WWOX: variants seen among roughly 807,000 people sequenced by gnomAD.
WWOX encodes the protein WW domain-containing oxidoreductase.
A neutral mutation model predicts 46.2 loss-of-function variants in WWOX; 69 were observed. The observed-to-expected ratio is 1.49, with a 90% CI of 1.23 to 1.82. The LOEUF is 1.82. Ranked by LOEUF, WWOX falls within the 40% of genes most tolerant of loss-of-function variation. WWOX has a pLI of 0.00. For synonymous variants in WWOX, 359 were observed against 202.6 expected (o/e 1.77, Z -6.56); for missense variants, 919 against 542.6 (o/e 1.69, Z -6.89).
At chr16:78,652,864 G>A (rs957304925) in intron 8 of WWOX, among the ~76,000 whole-genome samples, 4 of 152,028 alleles carry the variant, frequency 2.6e-5, no homozygotes, top group Non-Finnish European at 5.9e-5. Flanking sequence ...GGCATAAAAC[G>A]TGATTTGACT....
rs116416544 is a variant in WWOX, at chr16:78,529,116, G to T, written c.1056+96364G>T. On this transcript the variant is annotated intron_variant, in intron 8 of 8. Transcript: ENST00000566780. ...CTACAGGTGCACACTACCATGCCCA[G>T]CTAAGTTTGTTCATTTTTTGTAGAT... Among the ~76,000 whole-genome samples, 175 of 151,486 alleles carry T rather than the reference G, an allele frequency of 1.2e-3. 1 individual carries two copies. The highest frequency in any genetic ancestry group is 4.1e-3 in the African/African-American group (168 of 41,288).
chr16:78,563,259 A>T (rs542636234), intron 8 of WWOX, among the ~76,000 whole-genome samples: 1 of 152,062 alleles, frequency 6.6e-6, no homozygotes, highest in Non-Finnish European at 1.5e-5. Context: ...CTTTCAGTCT[A>T]TTTTCCTGTG....
chr16:78,115,141 T>C lies in WWOX; in HGVS notation c.396T>C (p.Ala132=). The C allele has an allele frequency of 6.2e-7, 1 of 1,614,248 alleles. No homozygotes were observed. Among genetic ancestry groups the C allele is most frequent in the Non-Finnish European group, 8.5e-7 (1 of 1,180,036 alleles). Residue 132 remains alanine (A), a synonymous_variant, in exon 4 of 9, where the codon GCT becomes GCC. Coordinates refer to ENST00000566780, the MANE Select transcript of WWOX (RefSeq NM_016373.4). ...FTGKVVVVTG[A]NSGIGFETAK... ...GCAAAGTGGTTGTGGTCACTGGAGC[T>C]AATTCAGGAATAGGTAGGCTCTTCA...
At chr16:78,886,933 A>G (rs1186654421) in intron 8 of WWOX, among the ~76,000 whole-genome samples, 1 of 152,092 alleles carries the variant, frequency 6.6e-6, no homozygotes, top group African/African-American at 2.4e-5. Context: ...CTTCTATCCT[A>G]TGAAAGTGAA....
chr16:78,355,411 G>A lies in WWOX; in HGVS notation c.517-31449G>A, dbSNP rs1485068603. ...AGGTCAGGAGATCGAGACCATCCTG[G>A]CTAACACGGTGAAACCGTGTCTCTA... On this transcript the variant is annotated intron_variant, in intron 5 of 8. Coordinates refer to ENST00000566780, the MANE Select transcript of WWOX (RefSeq NM_016373.4). 5 of 274,500 alleles carry A rather than the reference G, an allele frequency of 1.8e-5. No homozygotes were observed. In the East Asian group the frequency reaches 5.0e-4, roughly 27 times the overall value. 17.0% of individuals were successfully genotyped at this position (274,500 alleles called of 1,614,324 possible).
chr16:78,683,384 TA>T (rs200244113), intron 8 of WWOX, among the ~76,000 whole-genome samples: 1 of 149,884 alleles, frequency 6.7e-6, no homozygotes, highest in Non-Finnish European at 1.5e-5. Context: ...CTAAAAACAT[TA>T]AAAAAAAATT....
At chr16:78,860,634 A>G (rs371422293) in intron 8 of WWOX, among the ~76,000 whole-genome samples, 1 of 152,238 alleles carries the variant, frequency 6.6e-6, no homozygotes, top group Non-Finnish European at 1.5e-5. Context: ...AACACAAAAT[A>G]AATACTTCAT....
intron 8 of WWOX, among the ~76,000 whole-genome samples, chr16:78,470,422 A>C (rs1347863043): frequency 6.6e-6 from 1 of 152,198 alleles, no homozygotes; most frequent in African/African-American, 2.4e-5. Flanking sequence ...TTGACTTTGG[A>C]GATAACCAGA....
intron 8 of WWOX, among the ~76,000 whole-genome samples, chr16:79,136,751 A>G (rs9922792): frequency 0.024 from 3,705 of 152,306 alleles, 178 homozygotes; most frequent in African/African-American, 0.085. Flanking sequence ...GACATATGGC[A>G]GGAGTAATAA....
intron 8 of WWOX, among the ~76,000 whole-genome samples, chr16:79,136,605 G>A (rs545998017): frequency 3.9e-5 from 6 of 152,192 alleles, no homozygotes; most frequent in Non-Finnish European, 8.8e-5. Flanking sequence ...AAAGCCAGCA[G>A]AGGAAAGCTA....
intron 5 of WWOX, among the ~76,000 whole-genome samples, chr16:78,325,778 G>C (rs907101965): frequency 6.6e-6 from 1 of 152,222 alleles, no homozygotes; most frequent in Non-Finnish European, 1.5e-5. Flanking sequence ...AAGCAAGTCC[G>C]TTGCCCTGGA....
chr16:78,943,488 G>A (rs539550450), intron 8 of WWOX, among the ~76,000 whole-genome samples: 11 of 152,174 alleles, frequency 7.2e-5, no homozygotes, highest in Non-Finnish European at 1.5e-4. Context: ...CAGAGCAGCT[G>A]AGTTATCAGA....
At chr16:78,848,374 C>G (rs1241877626) in intron 8 of WWOX, among the ~76,000 whole-genome samples, 1 of 152,206 alleles carries the variant, frequency 6.6e-6, no homozygotes, top group Non-Finnish European at 1.5e-5. Context: ...TATTTGCTAA[C>G]TGTTGGAACT....
intron 8 of WWOX, among the ~76,000 whole-genome samples, chr16:78,471,996 T>C (rs2084233766): frequency 6.6e-6 from 1 of 152,210 alleles, no homozygotes; most frequent in African/African-American, 2.4e-5. Context: ...TTCCAATGTT[T>C]CACTTTATTC....
chr16:78,260,786 A>G lies in WWOX; in HGVS notation c.516+96497A>G, dbSNP rs550960814. Among the ~76,000 whole-genome samples, 23 of 149,244 alleles carry G rather than the reference A, an allele frequency of 1.5e-4. No homozygotes were observed. In the South Asian group the frequency reaches 4.8e-3, roughly 31 times the overall value. On this transcript the variant is annotated intron_variant, in intron 5 of 8. Coordinates refer to ENST00000566780, the MANE Select transcript of WWOX (RefSeq NM_016373.4). ...AAACCCCGTCTGTACCAAACATACA[A>G]AAATTAGCTGGGTGTGGTGGCGTGC...
intron 5 of WWOX, among the ~76,000 whole-genome samples, chr16:78,381,457 G>C (rs2081955442): frequency 6.6e-6 from 1 of 152,228 alleles, no homozygotes; most frequent in Admixed American, 6.5e-5. Context: ...TTCTGGCTGA[G>C]CCCTGGATGT....
intron 8 of WWOX, among the ~76,000 whole-genome samples, chr16:78,883,368 G>A (rs760099042): frequency 2.6e-5 from 4 of 152,074 alleles, no homozygotes; most frequent in Non-Finnish European, 5.9e-5. Context: ...GACTGTAGTG[G>A]GAAACTCGTG....
At chr16:78,329,120 C>G (rs2080701667) in intron 5 of WWOX, among the ~76,000 whole-genome samples, 1 of 152,156 alleles carries the variant, frequency 6.6e-6, no homozygotes, top group Non-Finnish European at 1.5e-5. Context: ...CTTGGCCTCC[C>G]AAAGTGCTGG....
intron 8 of WWOX, among the ~76,000 whole-genome samples, chr16:78,733,843 A>G (rs924172353): frequency 4.6e-5 from 7 of 152,126 alleles, no homozygotes; most frequent in Non-Finnish European, 1.0e-4. Context: ...AGGCAAGAGG[A>G]TCACTTGAGC....
Sources: allele counts gnomAD v4.1 joint callset (sites outside exome capture counted in the v4.1 genomes callset), GRCh38; gene constraint gnomAD v4.1.1; transcripts MANE v1.5; gene names NCBI Gene and HGNC (gene_info 2026-07-23, HGNC 2026-07-21).